DOCK1: variants seen among roughly 807,000 people sequenced by gnomAD.
The protein encoded by DOCK1 is dedicator of cytokinesis 1.
A neutral mutation model predicts 262.7 loss-of-function variants in DOCK1; 138 were observed. That is an observed-to-expected ratio of 0.53 (90% confidence interval 0.46 to 0.61). The LOEUF (loss-of-function observed/expected upper bound fraction) is 0.61. Ranked by LOEUF, DOCK1 falls within the 20% of genes least tolerant of loss-of-function variation. DOCK1 has a pLI of 0.00. For synonymous variants in DOCK1, 866 were observed against 867.4 expected (o/e 1.00, Z 0.03); for missense variants, 1,908 against 2,370.7 (o/e 0.80, Z 4.05).
chr10:127,009,519 A>G (rs545759118), intron 11 of DOCK1, among the ~76,000 whole-genome samples: 9 of 152,232 alleles, frequency 5.9e-5, no homozygotes, highest in Admixed American at 5.2e-4. Context: ...CTCACAGAGG[A>G]GGAGAGAAAA....
chr10:127,397,687 GGTA>G (rs974564712), intron 38 of DOCK1, among the ~76,000 whole-genome samples: 56 of 152,042 alleles, frequency 3.7e-4, no homozygotes, highest in African/African-American at 1.3e-3. Flanking sequence ...GCATGACACA[GGTA>G]GTAGCTCCTC....
chr10:127,181,541 G>A (rs1277803965), intron 27 of DOCK1, among the ~76,000 whole-genome samples: 1 of 152,210 alleles, frequency 6.6e-6, no homozygotes, highest in Non-Finnish European at 1.5e-5. Flanking sequence ...AGCAGTCAGA[G>A]GAGTGCCACA....
chr10:127,380,033 C>T (rs1401323546), intron 35 of DOCK1, 49 bp from the exon 36 acceptor site: 2 of 1,315,564 alleles, frequency 1.5e-6, no homozygotes, highest in Non-Finnish European at 2.1e-6. Context: ...CATGTGATAC[C>T]TTTTGTGGAA....
At chr10:127,246,947 G>T (rs1385079170) in intron 27 of DOCK1, among the ~76,000 whole-genome samples, 2 of 152,086 alleles carry the variant, frequency 1.3e-5, no homozygotes, top group African/African-American at 4.8e-5. Flanking sequence ...GGCTTAATGG[G>T]AAAAAATATA....
intron 21 of DOCK1, among the ~76,000 whole-genome samples, chr10:127,044,144 G>C (rs2044190784): frequency 1.3e-5 from 2 of 152,128 alleles, no homozygotes; most frequent in South Asian, 2.1e-4. Context: ...TTTTTAGTGT[G>C]AGTAAATTTA....
chr10:126,996,535 ATTTTT>A (rs10538924), intron 6 of DOCK1, among the ~76,000 whole-genome samples: 23 of 136,230 alleles, frequency 1.7e-4, no homozygotes, highest in African/African-American at 3.8e-4. Context: ...AAAATTGAGG[ATTTTT>A]TTTTTTTTTT....
At chr10:127,229,413 G>A (rs1393713417) in intron 27 of DOCK1, among the ~76,000 whole-genome samples, 1 of 152,074 alleles carries the variant, frequency 6.6e-6, no homozygotes, top group East Asian at 1.9e-4. Context: ...CCAGTCCTTG[G>A]TAACCACAAT....
At chr10:127,157,797 CT>C (rs1198802299) in intron 27 of DOCK1, among the ~76,000 whole-genome samples, 1 of 152,156 alleles carries the variant, frequency 6.6e-6, no homozygotes, top group East Asian at 1.9e-4. Context: ...TGTTTGGGAT[CT>C]TTCTTTTGTT....
intron 29 of DOCK1, among the ~76,000 whole-genome samples, chr10:127,262,750 G>A (rs934711642): frequency 7.2e-5 from 11 of 152,150 alleles, no homozygotes; most frequent in African/African-American, 2.4e-4. Context: ...GCACGTTTGC[G>A]TTCTGGAGCT....
chr10:127,054,145 C>A (rs1227529743), intron 22 of DOCK1, among the ~76,000 whole-genome samples: 1 of 152,186 alleles, frequency 6.6e-6, no homozygotes, highest in Admixed American at 6.5e-5. Context: ...TTGTCTGAAG[C>A]AGTCGTGTCC....
At position 127,442,494 on chromosome 10, in the gene DOCK1, G is replaced by A. The variant is rs779707054; in HGVS notation, c.5260-1632G>A. On this transcript the variant is annotated intron_variant, in intron 49 of 51. Transcript: ENST00000623213. ...TAACTGCTCCTGTTCCCCAAAGCCT[G>A]ATGATCTGAGACCAACCTGTAAGAA... Among the ~76,000 whole-genome samples, 171 of 152,166 alleles carry A rather than the reference G, an allele frequency of 1.1e-3. 2 individuals carry two copies. The highest frequency in any genetic ancestry group is 2.6e-3 in the Admixed American group (39 of 15,280).
intron 25 of DOCK1, among the ~76,000 whole-genome samples, chr10:127,113,598 T>C (rs938336580): frequency 2.6e-5 from 4 of 152,200 alleles, no homozygotes; most frequent in African/African-American, 9.7e-5. Flanking sequence ...TTACAGTGCC[T>C]TGGTTGTTTC....
chr10:127,005,632 GA>G (rs1358281360), intron 10 of DOCK1, among the ~76,000 whole-genome samples: 1 of 151,944 alleles, frequency 6.6e-6, no homozygotes. Context: ...CTAAAAGATA[GA>G]AAATTGTAAA....
chr10:127,421,337 A>G lies in DOCK1; in HGVS notation c.4776+1588A>G, dbSNP rs1039128322. Among the ~76,000 whole-genome samples, 9 of 152,322 alleles carry G rather than the reference A, an allele frequency of 5.9e-5. No homozygotes were observed. In the East Asian group the frequency reaches 1.7e-3, roughly 29 times the overall value. ...AAGGCTGAGCTTTGGTTGTGAGCCA[A>G]GGTACGAGTCCTCTTAAATTTGTGT... On this transcript the variant is annotated intron_variant, in intron 46 of 51. Coordinates refer to ENST00000623213, the MANE Select transcript of DOCK1 (RefSeq NM_001290223.2).
chr10:127,169,361 C>G (rs536723060), intron 27 of DOCK1, among the ~76,000 whole-genome samples: 2 of 152,326 alleles, frequency 1.3e-5, no homozygotes, highest in Non-Finnish European at 2.9e-5. Flanking sequence ...GTGTCCATCA[C>G]TTCAGTGATG....
Position 127,037,815 on chromosome 10 carries a change from A to G in DOCK1, c.2009A>G (p.Lys670Arg). 6.3e-7 allele frequency: 1 copy of G among 1,581,516 alleles called. No individual in the cohort carries two copies. Among genetic ancestry groups the G allele is most frequent in the Non-Finnish European group, 8.6e-7 (1 of 1,164,888 alleles). The change falls in exon 19 of 52, where the codon AAG becomes AGG. Residue 670 changes from lysine (K) to arginine (R), a missense_variant and splice_region_variant. Lys to Arg is a conservative substitution (Grantham distance 26). This residue lies in a region of DOCK1 where 294 missense variants were observed against 439.9 expected (regional missense o/e 0.67). Transcript: ENST00000623213. ...AAAGTCGATGGTGGTGAAGTAGTGA[A>G]GGTAACATGGAGCCCAAAGGGACTT... Reference protein sequence around the residue: ...LMKVDGGEVVKFLQDTLDALF... With the variant: ...LMKVDGGEVVRFLQDTLDALF...
chr10:127,328,418 T>C (rs918790310), intron 29 of DOCK1, among the ~76,000 whole-genome samples: 2 of 152,228 alleles, frequency 1.3e-5, no homozygotes, highest in African/African-American at 4.8e-5. Context: ...TTACACTGTT[T>C]TTGTAAGGAT....
At chr10:127,185,877 C>T (rs2056184505) in intron 27 of DOCK1, among the ~76,000 whole-genome samples, 1 of 152,116 alleles carries the variant, frequency 6.6e-6, no homozygotes, top group Non-Finnish European at 1.5e-5. Context: ...CTATATTTAA[C>T]CATGCAGTAT....
Position 127,354,745 on chromosome 10 carries a change from G to T in DOCK1, c.3283+18G>T, listed in dbSNP as rs1345091398. The T allele has an allele frequency of 6.2e-7, 1 of 1,613,610 alleles. No homozygotes were observed. The highest frequency in any genetic ancestry group is 1.3e-5 in the African/African-American group (1 of 74,914). The stretch of plus-strand genomic sequence containing the variant: ...CAACCTTGGTGAGTAGCCTGGATGT[G>T]GGGGCATAGTGAATATCTTGCATCC... On this transcript the variant is annotated intron_variant, in intron 32 of 51. Coordinates refer to ENST00000623213, the MANE Select transcript of DOCK1 (RefSeq NM_001290223.2).
Sources: allele counts gnomAD v4.1 joint callset (sites outside exome capture counted in the v4.1 genomes callset), GRCh38; gene constraint gnomAD v4.1.1; regional missense constraint gnomAD v4.1.1; transcripts MANE v1.5; gene names NCBI Gene and HGNC (gene_info 2026-07-23, HGNC 2026-07-21).